Variants in SS18L1 observed in about 807,000 individuals in gnomAD.
SS18L1 encodes SS18L1 subunit of BAF chromatin remodeling complex, also known as calcium-responsive transactivator.
A neutral mutation model predicts 70.3 loss-of-function variants in SS18L1; 32 were observed. That is an observed-to-expected ratio of 0.46 (90% CI 0.34 to 0.61). The LOEUF is 0.61. SS18L1 is among the 20% of genes least tolerant of loss of function. The pLI is 0.01. For missense variants in SS18L1, 430 were observed against 542.1 expected, an observed-to-expected ratio of 0.79 and a Z score of 2.05; for synonymous variants, 237 against 229.7, an observed-to-expected ratio of 1.03 and a Z score of -0.29.
chr20:62,158,845 C>G lies in SS18L1; in HGVS notation c.146+97C>G. On this transcript the variant is annotated intron_variant, in intron 2 of 10. Coordinates refer to ENST00000331758, the MANE Select transcript of SS18L1 (RefSeq NM_198935.3). The surrounding 1 kb of genome is among the most constrained non-coding windows in gnomAD (Gnocchi z 4.5). ...CCCAAGAGTCCCCCAGCACAGAGAT[C>G]AGATAAGTCCCAGGAGTCCCCAGCA... is the stretch of plus-strand genomic sequence containing the variant. The G allele has an allele frequency of 6.2e-7, 1 of 1,610,408 alleles. No homozygotes were observed. Among genetic ancestry groups the G allele is most frequent in the Non-Finnish European group, 8.5e-7 (1 of 1,178,648 alleles).
rs34084129 is a variant in SS18L1, at chr20:62,161,409, T to TC, written c.232-24dup. The TC allele has an allele frequency of 6.2e-7, 1 of 1,612,586 alleles. No individual in the cohort carries two copies. The highest frequency in any genetic ancestry group is 8.5e-7 in the Non-Finnish European group (1 of 1,179,926). ...TCGCTCTCCGTAAATTAACCGTTTT[T>TC]CCCTGAAAACTTCCTGTTGCCTGCA... On this transcript the variant is annotated intron_variant, in intron 3 of 10. Coordinates refer to ENST00000331758, the MANE Select transcript of SS18L1 (RefSeq NM_198935.3). This position sits in a 1 kb window ranked among gnomAD's most constrained non-coding sequence, Gnocchi z 4.4.
intron 1 of SS18L1, among the ~76,000 whole-genome samples, chr20:62,153,058 G>C (rs2057162356): frequency 6.6e-6 from 1 of 152,102 alleles, no homozygotes; most frequent in Non-Finnish European, 1.5e-5. Flanking sequence ...AGTTCCACAG[G>C]GCTGGGGAGG....
At chr20:62,152,550 G>T (rs541010221) in intron 1 of SS18L1, among the ~76,000 whole-genome samples, 90 of 152,332 alleles carry the variant, frequency 5.9e-4, no homozygotes, top group Non-Finnish European at 1.1e-3. Flanking sequence ...ATCTCACGTT[G>T]CAGAAAAATT....
intron 10 of SS18L1, chr20:62,175,519 G>C: frequency 1.1e-6 from 1 of 883,790 alleles, no homozygotes; most frequent in Non-Finnish European, 1.4e-6. Context: ...AAGGAGGCTC[G>C]GTGGCTGGAG....
intron 1 of SS18L1, among the ~76,000 whole-genome samples, chr20:62,153,142 G>A (rs927588): frequency 0.012 from 1,815 of 152,310 alleles, 42 homozygotes; most frequent in African/African-American, 0.041. Context: ...AAGGAGAAGC[G>A]CAAGCAGGGG....
intron 1 of SS18L1, among the ~76,000 whole-genome samples, chr20:62,149,962 G>C (rs773025791): frequency 6.6e-6 from 1 of 152,224 alleles, no homozygotes; most frequent in Non-Finnish European, 1.5e-5. Context: ...GTTGTGTTGT[G>C]CTGTGCTGTG....
Position 62,162,734 on chromosome 20 carries a change from C to A in SS18L1, c.377-18C>A. ...TGGCTCCCCAGTGCCTGACACCACT[C>A]CCTGCTCCCCATGCCAGGGCCGAGC... On this transcript the variant is annotated intron_variant, in intron 4 of 10. Coordinates refer to ENST00000331758, the MANE Select transcript of SS18L1 (RefSeq NM_198935.3). 1 of 1,596,128 alleles carries A rather than the reference C, an allele frequency of 6.3e-7. No individual in the cohort carries two copies. Among genetic ancestry groups the A allele is most frequent in the African/African-American group, 1.3e-5 (1 of 74,682 alleles).
intron 1 of SS18L1, among the ~76,000 whole-genome samples, chr20:62,145,762 A>G (rs2057013626): frequency 1.3e-5 from 2 of 152,112 alleles, no homozygotes; most frequent in South Asian, 2.1e-4. Flanking sequence ...CAGTCTGCGT[A>G]TTGGGCTTGG....
chr20:62,175,660 A>G (rs1048110936), intron 10 of SS18L1, among the ~76,000 whole-genome samples: 1 of 152,244 alleles, frequency 6.6e-6, no homozygotes. Context: ...TTACACTGCC[A>G]GTGAAATTTC....
chr20:62,164,553 C>T (rs555430972), intron 7 of SS18L1, among the ~76,000 whole-genome samples: 32 of 152,374 alleles, frequency 2.1e-4, no homozygotes, highest in African/African-American at 7.2e-4. Flanking sequence ...ATAATTGTAG[C>T]TCCTAGCTGT....
intron 7 of SS18L1, 31 bp downstream of exon 7, chr20:62,164,277 A>G: frequency 6.5e-7 from 1 of 1,535,508 alleles, no homozygotes. Flanking sequence ...GACCCCGCCC[A>G]GGAACGCAGA....
At chr20:62,169,292 T>G (rs1262771987) in intron 8 of SS18L1, among the ~76,000 whole-genome samples, 1 of 152,092 alleles carries the variant, frequency 6.6e-6, no homozygotes, top group Non-Finnish European at 1.5e-5. Context: ...ACACGCACAC[T>G]CACACCGTCA....
chr20:62,178,767 T>C (rs992981938), intron 10 of SS18L1, among the ~76,000 whole-genome samples: 41 of 152,318 alleles, frequency 2.7e-4, no homozygotes, highest in African/African-American at 9.1e-4. Context: ...CCTGGGTCTT[T>C]AGATTTTTTT....
chr20:62,148,678 G>A (rs950734523), intron 1 of SS18L1, among the ~76,000 whole-genome samples: 38 of 152,376 alleles, frequency 2.5e-4, no homozygotes, highest in African/African-American at 4.6e-4. Context: ...GAACCCAAGC[G>A]CCACGGGGGA....
At chr20:62,170,311 G>C (rs1053591748) in intron 8 of SS18L1, among the ~76,000 whole-genome samples, 52 of 152,138 alleles carry the variant, frequency 3.4e-4, no homozygotes, top group Admixed American at 3.3e-3. Context: ...CGAGACCATC[G>C]TGGCTAACAC....
chr20:62,165,596 C>G, intron 8 of SS18L1, 82 bp downstream of exon 8: 3 of 1,304,028 alleles, frequency 2.3e-6, no homozygotes, highest in East Asian at 5.0e-5. Flanking sequence ...TAGGAGCACG[C>G]GGTGCCTGCC....
intron 1 of SS18L1, among the ~76,000 whole-genome samples, chr20:62,156,140 G>C (rs1304400206): frequency 6.6e-6 from 1 of 152,202 alleles, no homozygotes; most frequent in Non-Finnish European, 1.5e-5. Flanking sequence ...GAAGTCAGTG[G>C]CTTGCGCCCC....
At chr20:62,165,597 G>T in intron 8 of SS18L1, 83 bp downstream of exon 8, 1 of 1,310,952 alleles carries the variant, frequency 7.6e-7, no homozygotes, top group Non-Finnish European at 1.1e-6. Flanking sequence ...AGGAGCACGC[G>T]GTGCCTGCCT....
rs1485631192 is a variant in SS18L1, at chr20:62,163,566, A to C, written c.665A>C (p.Gln222Pro). The C allele has an allele frequency of 3.7e-6, 6 of 1,610,236 alleles. No homozygotes were observed. The highest frequency in any genetic ancestry group is 4.2e-6 in the Non-Finnish European group (5 of 1,179,582). Residue 222 changes from glutamine to proline, a missense_variant, in exon 6 of 11, where the codon CAG becomes CCG. Physicochemically the swap from Gln to Pro is moderately conservative, Grantham distance 76 (BLOSUM62 -1). Transcript: ENST00000331758. ...ATCGCCATGATGGGGCAGGGCAGCC[A>C]GGGGAGCAGCATGATGGGGCAGCGG... ...SSIAMMGQGS[Q>P]GSSMMGQRPM...
Sources: gnomAD v4.1 joint callset for allele counts (sites outside exome capture counted in the v4.1 genomes callset) on GRCh38, gnomAD v4.1.1 for gene constraint, Gnocchi (gnomAD v3.1) non-coding constraint, MANE v1.5 for transcripts, NCBI Gene and HGNC (gene_info 2026-07-23, HGNC 2026-07-21) for gene names.